The following TNFSF11 variants were observed in gnomAD, a reference collection of about 807,000 sequenced individuals.
TNFSF11 encodes tumor necrosis factor ligand superfamily member 11.
Under a neutral mutation model 32.2 loss-of-function variants are expected in TNFSF11, and 12 were observed. The observed-to-expected ratio is 0.37, with a 90% CI of 0.24 to 0.60. The LOEUF (loss-of-function observed/expected upper bound fraction) is 0.60. Among genes scored for constraint, TNFSF11 ranks in the 20% least tolerant of loss-of-function variants. The pLI is 0.66. For synonymous variants in TNFSF11, 172 were observed against 152.1 expected (o/e 1.13, Z -0.96); for missense variants, 345 against 398.0 (o/e 0.87, Z 1.13).
chr13:42,566,917 G>A (rs759725675), intron 2 of TNFSF11, among the ~76,000 whole-genome samples: 11 of 152,038 alleles, frequency 7.2e-5, no homozygotes, highest in African/African-American at 1.7e-4. Context: ...TGCTTGAACC[G>A]GGGGGCAGAG....
chr13:42,601,816 C>G (rs1028990684), intron 4 of TNFSF11, among the ~76,000 whole-genome samples: 1 of 152,202 alleles, frequency 6.6e-6, no homozygotes, highest in Admixed American at 6.5e-5. Flanking sequence ...TTTTCCCCTT[C>G]CTCAATACCT....
At chr13:42,596,863 TA>T (rs1343276170) in intron 2 of TNFSF11, among the ~76,000 whole-genome samples, 1 of 152,214 alleles carries the variant, frequency 6.6e-6, no homozygotes, top group Non-Finnish European at 1.5e-5. Flanking sequence ...GGAGCATCTT[TA>T]AAAAACTACC....
upstream of TNFSF11, among the ~76,000 whole-genome samples, chr13:42,569,556 A>G (rs1872984608): frequency 7.1e-6 from 1 of 140,088 alleles, no homozygotes; most frequent in African/African-American, 2.5e-5. Context: ...TCAAAAAAAA[A>G]AAAAAGAAAA....
At chr13:42,576,031 G>T (rs1281483102) in intron 1 of TNFSF11, among the ~76,000 whole-genome samples, 5 of 152,202 alleles carry the variant, frequency 3.3e-5, no homozygotes, top group African/African-American at 1.2e-4. Context: ...CTTACTATGG[G>T]CATGGAGCCA....
chr13:42,565,219 T>C (rs926470643), intron 1 of TNFSF11, among the ~76,000 whole-genome samples: 1 of 17,922 alleles, frequency 5.6e-5, no homozygotes, highest in African/African-American at 1.5e-4. Context: ...AAAATATATA[T>C]ATATATATAT....
rs201151635 is a variant in TNFSF11 at position 42,606,809 on chromosome 13, A to C, written c.845A>C (p.Lys282Thr). 2.1e-4 allele frequency: 335 copies of C among 1,613,408 alleles called. No individual in the cohort carries two copies. Among genetic ancestry groups the C allele is most frequent in the Non-Finnish European group, 2.8e-4 (331 of 1,179,642 alleles). Residue 282 changes from lysine (K) to threonine (T), a missense_variant, in exon 5 of 5, where the codon AAG becomes ACG. Around this residue, in one of 2 missense-constraint regions of TNFSF11, gnomAD observed 148 missense variants for 216.0 expected, o/e 0.69. Coordinates refer to ENST00000398795, the MANE Select transcript of TNFSF11 (RefSeq NM_003701.4). Reference protein sequence around the residue: ...FYSINVGGFFKLRSGEEISIE... With the variant: ...FYSINVGGFFTLRSGEEISIE... ...TCCATAAACGTTGGTGGATTTTTTA[A>C]GTTACGGTCTGGAGAGGAAATCAGC... is the stretch of plus-strand genomic sequence containing the variant.
At chr13:42,600,687 G>C in intron 2 of TNFSF11, 65 bp from the exon 3 acceptor site, 9 of 1,509,560 alleles carry the variant, frequency 6.0e-6, no homozygotes, top group Non-Finnish European at 8.1e-6. Context: ...TAACAGCCCT[G>C]AATTCTTATT....
chr13:42,579,734 G>C (rs1284323463), intron 1 of TNFSF11, among the ~76,000 whole-genome samples: 1 of 78,008 alleles, frequency 1.3e-5, no homozygotes, highest in Non-Finnish European at 2.4e-5. Context: ...TTTTTGCAAA[G>C]TGTCTGATTG....
intron 1 of TNFSF11, among the ~76,000 whole-genome samples, chr13:42,575,717 C>A (rs1011289349): frequency 6.6e-6 from 1 of 152,170 alleles, no homozygotes; most frequent in African/African-American, 2.4e-5. Context: ...AGTAGAAATG[C>A]AATGAGCCAC....
At chr13:42,589,363 T>C (rs990116183) in intron 2 of TNFSF11, among the ~76,000 whole-genome samples, 6 of 152,194 alleles carry the variant, frequency 3.9e-5, no homozygotes, top group South Asian at 4.1e-4. Flanking sequence ...CATCATCCTC[T>C]CTTGCCTGCA....
intron 1 of TNFSF11, among the ~76,000 whole-genome samples, chr13:42,576,729 A>G (rs539692216): frequency 6.6e-6 from 1 of 152,330 alleles, no homozygotes; most frequent in African/African-American, 2.4e-5. Flanking sequence ...TGTGTCTACA[A>G]TTGTTACCCA....
chr13:42,578,990 G>A (rs1873455034), intron 1 of TNFSF11, among the ~76,000 whole-genome samples: 1 of 152,204 alleles, frequency 6.6e-6, no homozygotes, highest in African/African-American at 2.4e-5. Flanking sequence ...CTGGGATCTA[G>A]TTAAAATGCA....
chr13:42,573,926 G>C (rs1226403928), upstream of TNFSF11, among the ~76,000 whole-genome samples: 1 of 152,160 alleles, frequency 6.6e-6, no homozygotes, highest in Admixed American at 6.5e-5. Flanking sequence ...GACAGCTGAG[G>C]ATGGCAAGGG....
chr13:42,589,984 G>A (rs1451750960), intron 2 of TNFSF11, among the ~76,000 whole-genome samples: 4 of 152,174 alleles, frequency 2.6e-5, no homozygotes, highest in Non-Finnish European at 5.9e-5. Context: ...ACAGATGCCC[G>A]CCCACCCACC....
intron 1 of TNFSF11, among the ~76,000 whole-genome samples, chr13:42,563,153 A>G (rs1872733280): frequency 6.6e-6 from 1 of 152,210 alleles, no homozygotes. Context: ...TACTAGTCAA[A>G]TAAGTCCCCT....
At chr13:42,593,508 G>A (rs574206626) in intron 2 of TNFSF11, among the ~76,000 whole-genome samples, 1 of 152,172 alleles carries the variant, frequency 6.6e-6, no homozygotes, top group Admixed American at 6.5e-5. Flanking sequence ...GGAAGGCAGT[G>A]GTACCCAGGT....
intron 2 of TNFSF11, among the ~76,000 whole-genome samples, chr13:42,591,781 C>G (rs1388726150): frequency 6.6e-6 from 1 of 152,222 alleles, no homozygotes; most frequent in East Asian, 1.9e-4. Flanking sequence ...AGTGGCCACT[C>G]TTTCTGTGCC....
At chr13:42,585,941 A>T (rs1873874813) in intron 2 of TNFSF11, among the ~76,000 whole-genome samples, 1 of 152,228 alleles carries the variant, frequency 6.6e-6, no homozygotes, top group South Asian at 2.1e-4. Context: ...AATTGCACAA[A>T]TCACATTCTT....
Position 42,584,826 on chromosome 13 carries a change from T to C in TNFSF11, c.387+3533T>C, listed in dbSNP as rs142125647. Among the ~76,000 whole-genome samples the C allele has an allele frequency of 2.8e-3, 420 of 152,356 alleles. 2 individuals carry two copies. Among genetic ancestry groups the C allele is most frequent in the Middle Eastern group, 0.01 (3 of 294 alleles). On this transcript the variant is annotated intron_variant, in intron 2 of 4. Coordinates refer to ENST00000398795, the MANE Select transcript of TNFSF11 (RefSeq NM_003701.4). ...TTTCACATTTGCTTTTGTTTTGTTA[T>C]AGGATCTTAGCCTTTTTGCATAGGT...
Sources: allele counts gnomAD v4.1 joint callset (sites outside exome capture counted in the v4.1 genomes callset), GRCh38; gene constraint gnomAD v4.1.1; regional missense constraint gnomAD v4.1.1; transcripts MANE v1.5; gene names NCBI Gene and HGNC (gene_info 2026-07-23, HGNC 2026-07-21).